CTNND1: variants seen among roughly 807,000 people sequenced by gnomAD.
The protein encoded by CTNND1 is catenin delta 1, also known as catenin delta-1.
Under a neutral mutation model 112.1 loss-of-function variants are expected in CTNND1, and 16 were observed. The observed-to-expected ratio is 0.14, with a 90% CI of 0.10 to 0.22. CTNND1 has a LOEUF of 0.22. Among genes scored for constraint, CTNND1 ranks in the 10% least tolerant of loss-of-function variants. The pLI, the probability that CTNND1 is intolerant of heterozygous loss-of-function variation, is 1.00. For missense variants in CTNND1, 1,008 were observed against 1,257.0 expected, an observed-to-expected ratio of 0.80 and a Z score of 3.00; for synonymous variants, 420 against 446.5, an observed-to-expected ratio of 0.94 and a Z score of 0.75.
chr11:57,815,960 G>A lies in CTNND1; in HGVS notation c.2854G>A (p.Val952Ile). 1 of 1,601,696 alleles carries A rather than the reference G, an allele frequency of 6.2e-7. No homozygotes were observed. ...ESLEEELDVL[V>I]LDDEGGQVSY... ...TCTGGAGGAAGAGTTGGATGTGTTG[G>A]TTTTGGATGATGAGGGGGGCCAAGT... The change falls in exon 20 of 21, where the codon GTT becomes ATT. Residue 952 changes from valine to isoleucine, a missense_variant. Coordinates refer to ENST00000399050, the MANE Select transcript of CTNND1 (RefSeq NM_001085458.2).
At chr11:57,806,317 T>G in intron 10 of CTNND1, 144 bp from the exon 11 acceptor site, 1 of 869,018 alleles carries the variant, frequency 1.2e-6, no homozygotes, top group East Asian at 2.6e-5. Flanking sequence ...TTCTTCCCCA[T>G]ACGTCCTTTG....
chr11:57,806,702 T>G, intron 11 of CTNND1: 1 of 629,492 alleles, frequency 1.6e-6, no homozygotes, highest in Non-Finnish European at 2.8e-6. Context: ...GCATCAACAG[T>G]GGTCATCCTC....
At chr11:57,807,093 C>T in intron 12 of CTNND1, 110 bp downstream of exon 12, 1 of 871,254 alleles carries the variant, frequency 1.1e-6, no homozygotes, top group Non-Finnish European at 1.8e-6. Flanking sequence ...CTCTCTTTTC[C>T]AACTTACAGA....
chr11:57,800,392 C>T (rs909392813), intron 6 of CTNND1, among the ~76,000 whole-genome samples: 2 of 152,220 alleles, frequency 1.3e-5, no homozygotes, highest in Middle Eastern at 3.4e-3. Context: ...CTCCGCCTCC[C>T]AAGTAGCTGG....
intron 1 of CTNND1, among the ~76,000 whole-genome samples, chr11:57,784,579 C>A (rs1221847632): frequency 1.3e-5 from 2 of 152,110 alleles, no homozygotes; most frequent in Non-Finnish European, 2.9e-5. Flanking sequence ...TCTCGGCACA[C>A]TGAAACTTTT....
chr11:57,790,542 CTG>C (rs1161302523), intron 2 of CTNND1, among the ~76,000 whole-genome samples: 1,346 of 98,720 alleles, frequency 0.014, 160 homozygotes, highest in South Asian at 0.023. Flanking sequence ...CTAATTTTGT[CTG>C]TGTGTGTGTT....
chr11:57,796,713 A>T lies in CTNND1; in HGVS notation c.677A>T (p.Asp226Val). ...HYEDGYPGGS[D>V]NYGSLSRVTR... ...GAAGATGGTTATCCAGGTGGCAGTG[A>T]TAACTATGGCAGTCTGTCCCGGGTG... Residue 226 changes from aspartate to valine, a missense_variant, in exon 6 of 21, where the codon GAT (aspartate) becomes GTT (valine). Physicochemically the swap from Asp to Val is radical, Grantham distance 152. This residue lies in a region of CTNND1 where 404 missense variants were observed against 457.9 expected (regional missense o/e 0.88). Transcript: ENST00000399050. The T allele has an allele frequency of 6.2e-7, 1 of 1,614,030 alleles. No individual in the cohort carries two copies. Among genetic ancestry groups the T allele is most frequent in the South Asian group, 1.1e-5 (1 of 91,086 alleles).
intron 1 of CTNND1, among the ~76,000 whole-genome samples, chr11:57,786,221 T>G (rs1425840910): frequency 1.4e-5 from 2 of 143,398 alleles, no homozygotes; most frequent in Non-Finnish European, 3.0e-5. Flanking sequence ...TGAGAGGAAA[T>G]GTAGTCTATT....
chr11:57,790,857 C>G (rs2060661443), intron 2 of CTNND1, among the ~76,000 whole-genome samples: 1 of 152,090 alleles, frequency 6.6e-6, no homozygotes, highest in African/African-American at 2.4e-5. Flanking sequence ...AGTGCCCGGC[C>G]TTTTCATTTC....
chr11:57,799,987 T>TTG (rs2061811855), intron 6 of CTNND1, among the ~76,000 whole-genome samples: 1 of 142,544 alleles, frequency 7.0e-6, no homozygotes, highest in Non-Finnish European at 1.5e-5. Flanking sequence ...GTGTTTTTTT[T>TTG]TTTTTTTTTT....
chr11:57,809,455 C>A lies in CTNND1; in HGVS notation c.2424C>A (p.Ile808=). The change falls in exon 15 of 21, where the codon ATC becomes ATA. Residue 808 remains isoleucine (I), a synonymous_variant. Coordinates refer to ENST00000399050, the MANE Select transcript of CTNND1 (RefSeq NM_001085458.2). ...ETQGIEKLVL[I]NKSGNRSEKE... is the part of the protein sequence containing the mutation. ...AGGGTATTGAGAAGCTGGTGTTGATCAACAAATCAGGGTGAGCTTACCACC... is the reference window on the plus strand; with the variant it reads ...AGGGTATTGAGAAGCTGGTGTTGATAAACAAATCAGGGTGAGCTTACCACC... 3.1e-6 allele frequency: 5 copies of A among 1,611,050 alleles called. No homozygotes were observed. Among genetic ancestry groups the A allele is most frequent in the South Asian group, 1.1e-5 (1 of 90,546 alleles).
At position 57,809,384 on chromosome 11, in the gene CTNND1, G is replaced by A; in HGVS notation, c.2353G>A (p.Val785Ile). The A allele has an allele frequency of 6.2e-7, 1 of 1,613,940 alleles. No homozygotes were observed. Reference sequence around the variant, plus strand: ...CTCTATTTTGAACACTATCAACGAGGTTATCGCTGAGAACTTGGAGGCTGC... The same window carrying A: ...CTCTATTTTGAACACTATCAACGAGATTATCGCTGAGAACTTGGAGGCTGC... The part of the protein sequence containing the change: ...VISILNTINE[V>I]IAENLEAAKK... Residue 785 changes from valine to isoleucine, a missense_variant, in exon 15 of 21, where the codon GTT becomes ATT. Around this residue, in one of 5 missense-constraint regions of CTNND1, gnomAD observed 254 missense variants for 279.5 expected, o/e 0.91. Coordinates refer to ENST00000399050, the MANE Select transcript of CTNND1 (RefSeq NM_001085458.2).
intron 16 of CTNND1, 114 bp downstream of exon 16, chr11:57,810,337 T>G: frequency 1.3e-6 from 1 of 740,844 alleles, no homozygotes; most frequent in Non-Finnish European, 2.0e-6. Flanking sequence ...TATTTTTTTT[T>G]TCTTTTTCGG....
chr11:57,806,250 GGTGGTGGTATCAATGAGTGGGGCA>G (rs2062648867), intron 10 of CTNND1, among the ~76,000 whole-genome samples, 187 bp from the exon 11 acceptor site: 1 of 151,958 alleles, frequency 6.6e-6, no homozygotes, highest in Non-Finnish European at 1.5e-5. Context: ...TGGTGGTGGT[GGTGGTGGTATCAATGAGTGGGGCA>G]GTGGAAAATG....
Position 57,801,750 on chromosome 11 carries a change from T to C in CTNND1, c.974T>C (p.Ile325Thr), listed in dbSNP as rs1428652487. Residue 325 changes from isoleucine (I) to threonine (T), a missense_variant, in exon 7 of 21, where the codon ATT (isoleucine) becomes ACT (threonine). Coordinates refer to ENST00000399050, the MANE Select transcript of CTNND1 (RefSeq NM_001085458.2). Reference protein sequence around the residue: ...RRRLRSYEDMIGEEVPSDQYY... With the variant: ...RRRLRSYEDMTGEEVPSDQYY... ...CTTCTCAGGAGCTATGAAGACATGA[T>C]TGGTGAGGAGGTGCCATCGGATCAA... The C allele has an allele frequency of 1.2e-6, 2 of 1,612,576 alleles. No homozygotes were observed. The highest frequency in any genetic ancestry group is 2.2e-5 in the South Asian group (2 of 91,046).
At chr11:57,799,977 G>GTA (rs1565347274) in intron 6 of CTNND1, among the ~76,000 whole-genome samples, 1 of 72,672 alleles carries the variant, frequency 1.4e-5, no homozygotes, top group Non-Finnish European at 3.0e-5. Context: ...TTTTGTTTCC[G>GTA]TGTTTTTTTT....
At position 57,818,375 on chromosome 11, in the gene CTNND1, T is replaced by C. The variant is rs191445639; in HGVS notation, c.*2067T>C. On this transcript the variant is annotated 3_prime_UTR_variant, in exon 21 of 21. Transcript: ENST00000399050. Reference sequence around the variant, plus strand: ...TGTGTTCTGCTCCATACCTTTTCTCTTTTCTTTCTGTCTTGTTAATGCTTT... The same window carrying C: ...TGTGTTCTGCTCCATACCTTTTCTCCTTTCTTTCTGTCTTGTTAATGCTTT... The C allele has an allele frequency of 2.2e-5, 3 of 138,996 alleles. No homozygotes were observed. The highest frequency in any genetic ancestry group is 4.4e-5 in the Non-Finnish European group (3 of 67,982). 8.6% of individuals were successfully genotyped at this position (138,996 alleles called of 1,614,324 possible).
At chr11:57,797,711 G>C (rs1433494211) in intron 6 of CTNND1, among the ~76,000 whole-genome samples, 1 of 150,838 alleles carries the variant, frequency 6.6e-6, no homozygotes, top group Non-Finnish European at 1.5e-5. Context: ...GCGTAGTGGT[G>C]CATGCCTGTA....
chr11:57,796,764 C>T lies in CTNND1; in HGVS notation c.728C>T (p.Pro243Leu). ...ACCCGCATTGAGGAGCGGTATAGGC[C>T]CAGCATGGAAGGCTACCGGGCACCT... is the stretch of plus-strand genomic sequence containing the variant. ...RVTRIEERYR[P>L]SMEGYRAPSR... The change falls in exon 6 of 21, where the codon CCC becomes CTC. Residue 243 changes from proline (P) to leucine (L), a missense_variant. Pro to Leu is a moderately conservative substitution (Grantham distance 98). Transcript: ENST00000399050. 2 of 1,611,256 alleles carry T rather than the reference C, an allele frequency of 1.2e-6. No individual in the cohort carries two copies. Among genetic ancestry groups the T allele is most frequent in the Non-Finnish European group, 1.7e-6 (2 of 1,177,836 alleles).
Sources: allele counts gnomAD v4.1 joint callset (sites outside exome capture counted in the v4.1 genomes callset), GRCh38; gene constraint gnomAD v4.1.1; regional missense constraint gnomAD v4.1.1; transcripts MANE v1.5; gene names NCBI Gene and HGNC (gene_info 2026-07-23, HGNC 2026-07-21).